PTPRM: variants seen among roughly 807,000 people sequenced by gnomAD.
PTPRM encodes protein tyrosine phosphatase receptor type M.
In PTPRM, 47 loss-of-function variants were observed where a neutral mutation model predicts 186.7. The observed-to-expected ratio is 0.25, with a 90% CI of 0.20 to 0.32. The LOEUF is 0.32. PTPRM is among the 10% of genes least tolerant of loss of function. The pLI, the probability that PTPRM is intolerant of heterozygous loss-of-function variation, is 1.00. For missense variants in PTPRM, 1,494 were observed against 1,865.0 expected (o/e 0.80, Z 3.66); for synonymous variants, 668 against 674.9 (o/e 0.99, Z 0.16).
chr18:8,298,544 A>G (rs1054991563), intron 20 of PTPRM, among the ~76,000 whole-genome samples: 5 of 152,210 alleles, frequency 3.3e-5, no homozygotes, highest in Non-Finnish European at 5.9e-5. Context: ...TCATGGAGAC[A>G]CTGAGATATA....
At chr18:7,588,829 A>G (rs2037049760) in intron 1 of PTPRM, among the ~76,000 whole-genome samples, 1 of 152,200 alleles carries the variant, frequency 6.6e-6, no homozygotes, top group African/African-American at 2.4e-5. Context: ...CTAATTTTAT[A>G]ACACCTCACA....
intron 1 of PTPRM, among the ~76,000 whole-genome samples, chr18:7,651,615 G>A (rs541717321): frequency 0.012 from 1,860 of 151,924 alleles, 38 homozygotes; most frequent in African/African-American, 0.043. Flanking sequence ...ACAACTATCT[G>A]ATCTTTGACA....
At chr18:7,796,244 C>G (rs536795526) in intron 2 of PTPRM, among the ~76,000 whole-genome samples, 1 of 152,146 alleles carries the variant, frequency 6.6e-6, no homozygotes, top group South Asian at 2.1e-4. Flanking sequence ...CTGCAGAGAT[C>G]AGTGCCTGTG....
intron 1 of PTPRM, among the ~76,000 whole-genome samples, chr18:7,661,902 T>G (rs2038988486): frequency 6.6e-6 from 1 of 152,260 alleles, no homozygotes; most frequent in South Asian, 2.1e-4. Context: ...CAATATAGTT[T>G]GACAGGTGTG....
chr18:7,857,786 T>C (rs2047163765), intron 2 of PTPRM, among the ~76,000 whole-genome samples: 1 of 152,214 alleles, frequency 6.6e-6, no homozygotes, highest in Non-Finnish European at 1.5e-5. Context: ...AGTAGAGGAC[T>C]AGAACAAAGC....
chr18:7,924,120 C>T (rs1440660655), intron 4 of PTPRM, among the ~76,000 whole-genome samples: 6 of 152,190 alleles, frequency 3.9e-5, no homozygotes, highest in Non-Finnish European at 7.3e-5. Flanking sequence ...GGATTTGAAG[C>T]GTCTTCAGTG....
At chr18:7,830,032 T>C (rs1567882269) in intron 2 of PTPRM, among the ~76,000 whole-genome samples, 1 of 152,226 alleles carries the variant, frequency 6.6e-6, no homozygotes, top group Non-Finnish European at 1.5e-5. Flanking sequence ...ACCTCCTTTC[T>C]CACAACTCTT....
At chr18:8,328,167 C>T (rs1183621229) in intron 22 of PTPRM, among the ~76,000 whole-genome samples, 4 of 152,154 alleles carry the variant, frequency 2.6e-5, no homozygotes, top group Non-Finnish European at 2.9e-5. Context: ...TTTATATTTT[C>T]CCAGCTCAAA....
At chr18:8,196,646 G>C (rs952132014) in intron 14 of PTPRM, among the ~76,000 whole-genome samples, 2 of 152,214 alleles carry the variant, frequency 1.3e-5, no homozygotes, top group African/African-American at 4.8e-5. Context: ...AGTTAAGGAA[G>C]ACCATTAGAT....
intron 1 of PTPRM, among the ~76,000 whole-genome samples, chr18:7,576,166 A>G (rs995875254): frequency 6.6e-6 from 1 of 152,228 alleles, no homozygotes; most frequent in African/African-American, 2.4e-5. Flanking sequence ...TTCAACATGC[A>G]CCAGCCAAAG....
At chr18:8,028,607 C>T (rs902536587) in intron 7 of PTPRM, among the ~76,000 whole-genome samples, 13 of 152,254 alleles carry the variant, frequency 8.5e-5, no homozygotes, top group East Asian at 1.9e-4. Context: ...TCTATGCTGC[C>T]TCCCAGAGCC....
At chr18:7,764,122 G>C (rs1018643964) in intron 1 of PTPRM, among the ~76,000 whole-genome samples, 3 of 152,118 alleles carry the variant, frequency 2.0e-5, no homozygotes, top group Non-Finnish European at 4.4e-5. Flanking sequence ...ATCCAGCCGT[G>C]CTATTCTGTT....
At chr18:7,785,064 C>T (rs1470679175) in intron 2 of PTPRM, among the ~76,000 whole-genome samples, 1 of 152,108 alleles carries the variant, frequency 6.6e-6, no homozygotes, top group East Asian at 1.9e-4. Flanking sequence ...GAAGGGAGCA[C>T]AGGTGTTCAC....
chr18:8,334,968 G>A (rs1296316032), intron 22 of PTPRM, among the ~76,000 whole-genome samples: 3 of 152,164 alleles, frequency 2.0e-5, no homozygotes, highest in Non-Finnish European at 2.9e-5. Context: ...CCTCCTTGCA[G>A]TACAGGTGCC....
At chr18:8,380,469 G>C (rs770207744) in intron 29 of PTPRM, 42 bp downstream of exon 29, 1 of 1,611,206 alleles carries the variant, frequency 6.2e-7, no homozygotes. Flanking sequence ...GTGCCAGGGG[G>C]TCAAGTTTGT....
At chr18:7,734,725 T>A (rs902519822) in intron 1 of PTPRM, among the ~76,000 whole-genome samples, 3 of 152,218 alleles carry the variant, frequency 2.0e-5, no homozygotes, top group African/African-American at 7.2e-5. Flanking sequence ...GGGGTATTGC[T>A]AAATTCAGTT....
chr18:8,344,735 G>T (rs2095496314), intron 23 of PTPRM, among the ~76,000 whole-genome samples: 1 of 151,928 alleles, frequency 6.6e-6, no homozygotes, highest in Admixed American at 6.6e-5. Context: ...GTGAGTGTTG[G>T]GGGAGGGTGG....
At chr18:8,321,678 G>A (rs2095346728) in intron 22 of PTPRM, among the ~76,000 whole-genome samples, 1 of 152,174 alleles carries the variant, frequency 6.6e-6, no homozygotes, top group Non-Finnish European at 1.5e-5. Context: ...CCTTTCCCTG[G>A]TACAAGGTGG....
intron 22 of PTPRM, among the ~76,000 whole-genome samples, chr18:8,323,155 C>G (rs531518576): frequency 6.6e-6 from 1 of 152,204 alleles, no homozygotes; most frequent in Admixed American, 6.5e-5. Context: ...TTAAAACTTA[C>G]CTCAAGAGTC....
Sources: allele counts gnomAD v4.1 joint callset (sites outside exome capture counted in the v4.1 genomes callset), GRCh38; gene constraint gnomAD v4.1.1; transcripts MANE v1.5; gene names NCBI Gene and HGNC (gene_info 2026-07-23, HGNC 2026-07-21).